The following AJAP1 variants were observed in gnomAD, a reference collection of about 807,000 sequenced individuals.
AJAP1 encodes the protein adherens junction-associated protein 1.
A neutral mutation model predicts 35.0 loss-of-function variants in AJAP1; 5 were observed. That is an observed-to-expected ratio of 0.14 (90% confidence interval 0.07 to 0.30). The LOEUF (loss-of-function observed/expected upper bound fraction) is 0.30, where lower values mean the gene tolerates loss of function less well. Among genes scored for constraint, AJAP1 ranks in the 10% least tolerant of loss-of-function variants. The pLI is 1.00. For synonymous variants in AJAP1, 284 were observed against 249.3 expected (o/e 1.14, Z -1.31); for missense variants, 586 against 571.0 (o/e 1.03, Z -0.27).
At chr1:4,771,141 G>A (rs1448545529) in intron 3 of AJAP1, among the ~76,000 whole-genome samples, 5 of 152,134 alleles carry the variant, frequency 3.3e-5, no homozygotes, top group Admixed American at 1.3e-4. Context: ...TCTCACACTC[G>A]AGCTTATAGC....
intron 2 of AJAP1, among the ~76,000 whole-genome samples, chr1:4,765,871 G>A (rs981581932): frequency 1.2e-4 from 18 of 152,124 alleles, no homozygotes; most frequent in African/African-American, 3.4e-4. Context: ...ACTGCTGCTG[G>A]GTGTTAAGAC....
At chr1:4,759,374 C>T (rs191533209) in intron 2 of AJAP1, among the ~76,000 whole-genome samples, 94 of 152,278 alleles carry the variant, frequency 6.2e-4, no homozygotes, top group Non-Finnish European at 8.5e-4. Flanking sequence ...TTTTGAAAGA[C>T]GGTTCAAAAT....
intron 1 of AJAP1, among the ~76,000 whole-genome samples, chr1:4,707,363 C>T (rs1382051188): frequency 1.3e-5 from 2 of 152,066 alleles, no homozygotes; most frequent in Non-Finnish European, 2.9e-5. Context: ...GTGCAGCTAC[C>T]CCCACACACA....
chr1:4,698,941 G>T (rs1371920076), intron 1 of AJAP1, among the ~76,000 whole-genome samples: 2 of 152,176 alleles, frequency 1.3e-5, no homozygotes, highest in Admixed American at 1.3e-4. Context: ...CAGCTAAGGG[G>T]TCCTAGGTCC....
intron 2 of AJAP1, among the ~76,000 whole-genome samples, chr1:4,714,593 C>T (rs891798827): frequency 6.6e-6 from 1 of 152,202 alleles, no homozygotes; most frequent in Admixed American, 6.5e-5. Flanking sequence ...TGTTGCTAAT[C>T]CATCTCGACA....
At chr1:4,717,175 G>A (rs147177171) in intron 2 of AJAP1, among the ~76,000 whole-genome samples, 395 of 152,318 alleles carry the variant, frequency 2.6e-3, no homozygotes, top group African/African-American at 9.1e-3. Context: ...ATCTTAAAAC[G>A]TGTAAAGGAA....
At chr1:4,748,187 A>G (rs72638898) in intron 2 of AJAP1, among the ~76,000 whole-genome samples, 1,736 of 151,778 alleles carry the variant, frequency 0.011, 20 homozygotes, top group Non-Finnish European at 0.016. Flanking sequence ...CTCCCCGTCC[A>G]TCAGCTACTC....
Position 4,769,890 on chromosome 1 carries a change from C to G in AJAP1, c.867C>G (p.Ser289=). 1 of 1,614,104 alleles carries G rather than the reference C, an allele frequency of 6.2e-7. No individual in the cohort carries two copies. Among genetic ancestry groups the G allele is most frequent in the Non-Finnish European group, 8.5e-7 (1 of 1,180,006 alleles). Residue 289 remains serine, a synonymous_variant, in exon 3 of 6, where the codon TCC becomes TCG. Transcript: ENST00000378191. ...AVHQIITITV[S]LIMVIAALIT... The stretch of plus-strand genomic sequence containing the variant: ...ATCAGATCATCACCATCACCGTCTC[C>G]CTCATCATGGTCATAGCTGCTCTCA...
intron 2 of AJAP1, among the ~76,000 whole-genome samples, chr1:4,741,476 T>C (rs1480585684): frequency 6.6e-6 from 1 of 152,198 alleles, no homozygotes; most frequent in East Asian, 1.9e-4. Flanking sequence ...GTCCTCTCTG[T>C]CTTACAAATA....
Position 4,748,777 on chromosome 1 carries a change from A to G in AJAP1, c.830-21076A>G, listed in dbSNP as rs1054080317. 8.7e-5 allele frequency among the ~76,000 whole-genome samples: 13 copies of G among 148,628 alleles called. 1 individual carries two copies. ...AAAAAAAAAAAAAAAAAAAAAAAGA[A>G]TGGAACCAGGGCTCTTACAAAAGAG... On this transcript the variant is annotated intron_variant, in intron 2 of 5. Transcript: ENST00000378191.
chr1:4,778,406 C>G (rs963585614), intron 5 of AJAP1, among the ~76,000 whole-genome samples: 10 of 152,194 alleles, frequency 6.6e-5, no homozygotes, highest in African/African-American at 2.4e-5. Flanking sequence ...AAAACACAAG[C>G]AGCTGAAGTT....
Position 4,670,831 on chromosome 1 carries a change from C to T in AJAP1, c.29+15377C>T, listed in dbSNP as rs140034991. On this transcript the variant is annotated intron_variant, in intron 1 of 5. Coordinates refer to ENST00000378191, the MANE Select transcript of AJAP1 (RefSeq NM_018836.4). Reference sequence around the variant, plus strand: ...CCAGAATGTTCTTCCCTTTCCCTTCCGGAGGAGAGGGAACAGAGCAAATGA... The same window carrying T: ...CCAGAATGTTCTTCCCTTTCCCTTCTGGAGGAGAGGGAACAGAGCAAATGA... Among the ~76,000 whole-genome samples the T allele has an allele frequency of 1.8e-4, 28 of 152,310 alleles. 1 individual carries two copies. The highest frequency in any genetic ancestry group is 3.4e-3 in the Middle Eastern group (1 of 294).
chr1:4,725,526 T>A (rs1373228959), intron 2 of AJAP1, among the ~76,000 whole-genome samples: 1 of 152,070 alleles, frequency 6.6e-6, no homozygotes, highest in Non-Finnish European at 1.5e-5. Flanking sequence ...CGAGGGGGCT[T>A]GAGGTTAGGA....
rs765335332 is a variant in AJAP1 at position 4,711,975 on chromosome 1, C to T, written c.105C>T (p.Ala35=). 1.3e-6 allele frequency: 2 copies of T among 1,587,982 alleles called. No individual in the cohort carries two copies. Among genetic ancestry groups the T allele is most frequent in the Non-Finnish European group, 8.5e-7 (1 of 1,171,674 alleles). The stretch of plus-strand genomic sequence containing the variant: ...TACTGATAGCCATGTTTCAGCTCGC[C>T]GTGGACCTGCCCGCCTGTGAGGCCC... ...AWILIAMFQL[A]VDLPACEALG... is the part of the protein sequence containing the mutation. The change falls in exon 2 of 6, where the codon GCC becomes GCT. Residue 35 remains alanine, a synonymous_variant. Transcript: ENST00000378191.
At position 4,678,634 on chromosome 1, in the gene AJAP1, A is replaced by G. The variant is rs1246514633; in HGVS notation, c.29+23180A>G. 2.6e-5 allele frequency among the ~76,000 whole-genome samples: 4 copies of G among 152,090 alleles called. No homozygotes were observed. In the East Asian group the frequency reaches 5.8e-4, roughly 22 times the overall value. ...GTACCCTAGCGAGATGGATGTTACA[A>G]TCTCATGTACCGTTATCACAGAAGT... On this transcript the variant is annotated intron_variant, in intron 1 of 5. Coordinates refer to ENST00000378191, the MANE Select transcript of AJAP1 (RefSeq NM_018836.4).
In AJAP1 at chr1:4,655,307, G is replaced by T. The variant is rs1638852360; in HGVS notation, c.-119G>T. The T allele has an allele frequency of 3.7e-6, 3 of 803,176 alleles. No homozygotes were observed. The highest frequency in any genetic ancestry group is 1.1e-4 in the South Asian group (2 of 17,978). 49.8% of individuals were successfully genotyped at this position (803,176 alleles called of 1,614,324 possible). A position where few individuals can be genotyped will look rare whatever the true frequency, so the allele number is the denominator to read the frequency against. On this transcript the variant is annotated 5_prime_UTR_variant, in exon 1 of 6. Coordinates refer to ENST00000378191, the MANE Select transcript of AJAP1 (RefSeq NM_018836.4). This position sits in a 1 kb window ranked among gnomAD's most constrained non-coding sequence, Gnocchi z 6.9. ...GTGCGCCCCGCGGCCGGCGGGCGGC[G>T]GGAGGCGGCGGACCGAGAGCCGGAG...
chr1:4,655,518 C>G lies in AJAP1; in HGVS notation c.29+64C>G. ...TGGGTGCCAGGCTGGGCGGAAGCGG[C>G]GCTTTCCTCTATGTTGCAAATCAAG... On this transcript the variant is annotated intron_variant, in intron 1 of 5. Coordinates refer to ENST00000378191, the MANE Select transcript of AJAP1 (RefSeq NM_018836.4). The surrounding 1 kb of genome is among the most constrained non-coding windows in gnomAD (Gnocchi z 6.9). The G allele has an allele frequency of 6.5e-7, 1 of 1,533,920 alleles. No homozygotes were observed. Among genetic ancestry groups the G allele is most frequent in the African/African-American group, 1.4e-5 (1 of 70,246 alleles).
At position 4,787,895 on chromosome 1, in the gene AJAP1, T is replaced by C. The variant is rs1158857561; in HGVS notation, c.*5410T>C. On this transcript the variant is annotated 3_prime_UTR_variant, in exon 6 of 6. Transcript: ENST00000378191. ...TTAGTGGCATCCTTCTTAAACAGCA[T>C]CTGCTTTTAAGTAAGCAGCTATTCC... The C allele has an allele frequency of 1.9e-5, 7 of 365,594 alleles. No individual in the cohort carries two copies. The highest frequency in any genetic ancestry group is 3.9e-5 in the Non-Finnish European group (7 of 180,142). The allele number at this position is 365,594 out of a possible 1,614,324, so 22.6% of individuals were successfully genotyped here. A position where few individuals can be genotyped will look rare whatever the true frequency, so the allele number is the denominator to read the frequency against.
intron 1 of AJAP1, among the ~76,000 whole-genome samples, chr1:4,689,496 T>C (rs2100223302): frequency 6.6e-6 from 1 of 152,222 alleles, no homozygotes; most frequent in Middle Eastern, 3.4e-3. Flanking sequence ...GCCAGAAGCC[T>C]CTGAGCCGAT....
Sources: gnomAD v4.1 joint callset for allele counts (sites outside exome capture counted in the v4.1 genomes callset) on GRCh38, gnomAD v4.1.1 for gene constraint, Gnocchi (gnomAD v3.1) non-coding constraint, MANE v1.5 for transcripts, NCBI Gene and HGNC (gene_info 2026-07-23, HGNC 2026-07-21) for gene names.